ARHGAP18: variants seen among roughly 807,000 people sequenced by gnomAD.
ARHGAP18 encodes rho GTPase-activating protein 18.
ARHGAP18 carries 67 observed loss-of-function variants against 86.2 expected under a neutral mutation model. The observed-to-expected ratio is 0.78, with a 90% CI of 0.64 to 0.95. The LOEUF (loss-of-function observed/expected upper bound fraction) is 0.95. ARHGAP18 is among the 40% of genes least tolerant of loss of function. ARHGAP18 has a pLI of 0.00. For synonymous variants in ARHGAP18, 283 were observed against 280.4 expected (o/e 1.01, Z -0.09); for missense variants, 691 against 780.4 (o/e 0.89, Z 1.37).
rs946721554 is a variant in ARHGAP18, at chr6:129,577,716, A to G, written c.*797T>C. On this transcript the variant is annotated 3_prime_UTR_variant, in exon 15 of 15. Transcript: ENST00000368149. ...TATGACTTTTAAAATTCCATTTAGA[A>G]GAGTACAGTAGACAGAAAGTGCTTT... The G allele has an allele frequency of 6.6e-6, 1 of 152,200 alleles. No individual in the cohort carries two copies. The highest frequency in any genetic ancestry group is 1.5e-5 in the Non-Finnish European group (1 of 68,018). 9.4% of individuals were successfully genotyped at this position (152,200 alleles called of 1,614,324 possible). A position where few individuals can be genotyped will look rare whatever the true frequency, so the allele number is the denominator to read the frequency against.
chr6:129,585,828 TCCCAATTCCAAGCC>T (rs1788386172), intron 12 of ARHGAP18, among the ~76,000 whole-genome samples: 1 of 152,232 alleles, frequency 6.6e-6, no homozygotes, highest in East Asian at 1.9e-4. Flanking sequence ...AATTCCAACC[TCCCAATTCCAAGCC>T]CCCAATTCCA....
At chr6:129,695,137 AT>A (rs1774591333) in intron 1 of ARHGAP18, among the ~76,000 whole-genome samples, 1 of 152,240 alleles carries the variant, frequency 6.6e-6, no homozygotes, top group South Asian at 2.1e-4. Context: ...GAAAAAAAAA[AT>A]AATGGCTTCT....
intron 1 of ARHGAP18, among the ~76,000 whole-genome samples, chr6:129,667,333 C>G (rs1177936348): frequency 6.6e-6 from 1 of 151,938 alleles, no homozygotes; most frequent in Non-Finnish European, 1.5e-5. Context: ...AACTACAACC[C>G]CTATTTGGCC....
chr6:129,650,915 C>G (rs9372945), intron 1 of ARHGAP18, among the ~76,000 whole-genome samples: 34,137 of 152,120 alleles, frequency 0.22, 3,870 homozygotes, highest in African/African-American at 0.23. Flanking sequence ...AAGCTTGCTT[C>G]TGCAGCCTCC....
intron 8 of ARHGAP18, among the ~76,000 whole-genome samples, chr6:129,610,000 C>T (rs1788944539): frequency 6.6e-6 from 1 of 152,184 alleles, no homozygotes. Flanking sequence ...AACACTTAGT[C>T]CTGATCCAGC....
intron 1 of ARHGAP18, among the ~76,000 whole-genome samples, chr6:129,685,997 C>T (rs542872109): frequency 2.6e-4 from 40 of 152,206 alleles, no homozygotes; most frequent in African/African-American, 7.7e-4. Context: ...CTTACATTGC[C>T]GGGGGCGGGC....
At chr6:129,617,171 T>G (rs936102504) in intron 6 of ARHGAP18, among the ~76,000 whole-genome samples, 1 of 152,198 alleles carries the variant, frequency 6.6e-6, no homozygotes, top group Non-Finnish European at 1.5e-5. Flanking sequence ...AAAAAAATGA[T>G]GGTAATAATT....
At chr6:129,602,710 T>G (rs540323935) in intron 10 of ARHGAP18, among the ~76,000 whole-genome samples, 1 of 152,244 alleles carries the variant, frequency 6.6e-6, no homozygotes, top group Admixed American at 6.5e-5. Context: ...GACAAAAGAT[T>G]AATTGAAGTT....
intron 5 of ARHGAP18, among the ~76,000 whole-genome samples, chr6:129,623,001 CAAAACAAAAA>C (rs1374194178): frequency 3.2e-4 from 5 of 15,408 alleles, no homozygotes; most frequent in South Asian, 2.0e-3. Context: ...AACTCCATCT[CAAAACAAAAA>C]AAAAAAAAAA....
At chr6:129,626,073 C>CACACACACACACACAT (rs1554336391) in intron 5 of ARHGAP18, among the ~76,000 whole-genome samples, 4 of 115,818 alleles carry the variant, frequency 3.5e-5, no homozygotes, top group African/African-American at 1.3e-4. Context: ...TATACACACA[C>CACACACACACACACAT]ACACACACAC....
chr6:129,662,613 G>T (rs1287706745), intron 1 of ARHGAP18, among the ~76,000 whole-genome samples: 1 of 152,184 alleles, frequency 6.6e-6, no homozygotes, highest in African/African-American at 2.4e-5. Context: ...CCTTCTTTCT[G>T]TTTCACTGTG....
chr6:129,675,466 A>G (rs1774215619), intron 1 of ARHGAP18, among the ~76,000 whole-genome samples: 1 of 151,552 alleles, frequency 6.6e-6, no homozygotes. Flanking sequence ...TAACCCTAAC[A>G]CCCATTTTTC....
At chr6:129,580,016 C>A in intron 14 of ARHGAP18, 54 bp downstream of exon 14, 1 of 1,406,474 alleles carries the variant, frequency 7.1e-7, no homozygotes, top group South Asian at 1.2e-5. Flanking sequence ...AAATAATAAC[C>A]ACTGGCAATA....
chr6:129,665,055 C>G (rs1000350106), intron 1 of ARHGAP18, among the ~76,000 whole-genome samples: 5 of 152,158 alleles, frequency 3.3e-5, no homozygotes, highest in Non-Finnish European at 7.3e-5. Flanking sequence ...GAGCCTTTAG[C>G]ACTTTTTAGA....
intron 5 of ARHGAP18, 60 bp downstream of exon 5, chr6:129,629,289 ATGTG>A: frequency 7.5e-7 from 1 of 1,330,246 alleles, no homozygotes; most frequent in African/African-American, 1.5e-5. Context: ...GTGTATGTAT[ATGTG>A]TGTGTGTATA....
At chr6:129,623,090 C>A (rs1789267366) in intron 5 of ARHGAP18, among the ~76,000 whole-genome samples, 1 of 150,414 alleles carries the variant, frequency 6.6e-6, no homozygotes. Flanking sequence ...CCTTGTGTTA[C>A]CATAAATTAA....
At chr6:129,656,285 T>G (rs978477180) in intron 1 of ARHGAP18, among the ~76,000 whole-genome samples, 3 of 152,210 alleles carry the variant, frequency 2.0e-5, no homozygotes, top group Non-Finnish European at 4.4e-5. Context: ...ACAACAGGTG[T>G]TGCAGTGCTC....
At chr6:129,662,543 T>C (rs1370192822) in intron 1 of ARHGAP18, among the ~76,000 whole-genome samples, 2 of 152,244 alleles carry the variant, frequency 1.3e-5, no homozygotes, top group African/African-American at 4.8e-5. Flanking sequence ...CATGCTTCCC[T>C]CTACAGCAAA....
At chr6:129,626,672 TACACACAC>T (rs66753341) in intron 5 of ARHGAP18, among the ~76,000 whole-genome samples, 35,187 of 147,098 alleles carry the variant, frequency 0.24, 4,466 homozygotes, top group Non-Finnish European at 0.29. Context: ...CACACACACA[TACACACAC>T]ACACACACAC....
Sources: allele counts gnomAD v4.1 joint callset (sites outside exome capture counted in the v4.1 genomes callset), GRCh38; gene constraint gnomAD v4.1.1; transcripts MANE v1.5; gene names NCBI Gene and HGNC (gene_info 2026-07-23, HGNC 2026-07-21).